MSH3: variants seen among roughly 807,000 people sequenced by gnomAD.
The protein encoded by MSH3 is DNA mismatch repair protein Msh3.
In MSH3, 106 loss-of-function variants were observed where a neutral mutation model predicts 123.3. That is an observed-to-expected ratio of 0.86 (90% CI 0.73 to 1.01). The LOEUF (loss-of-function observed/expected upper bound fraction) is 1.01. Ranked by LOEUF, MSH3 falls within the 50% of genes least tolerant of loss-of-function variation. The probability of loss-of-function intolerance (pLI) is 0.00; values close to 1 mark genes in which losing one functional copy is unlikely to be tolerated. For missense variants in MSH3, 1,459 were observed against 1,347.6 expected (o/e 1.08, Z -1.29); for synonymous variants, 515 against 481.4 (o/e 1.07, Z -0.91).
intron 12 of MSH3, among the ~76,000 whole-genome samples, chr5:80,744,829 A>G (rs1204770763): frequency 6.6e-6 from 1 of 152,136 alleles, no homozygotes; most frequent in African/African-American, 2.4e-5. Context: ...TGGCAGACAT[A>G]GGGCGTTGTC....
chr5:80,672,532 A>G (rs1329726624), intron 5 of MSH3, among the ~76,000 whole-genome samples, 172 bp downstream of exon 5: 1 of 152,192 alleles, frequency 6.6e-6, no homozygotes, highest in East Asian at 1.9e-4. Flanking sequence ...TTTTTAACAT[A>G]TTGTTAGATA....
chr5:80,811,055 A>G (rs184642945), intron 19 of MSH3, among the ~76,000 whole-genome samples: 1 of 152,140 alleles, frequency 6.6e-6, no homozygotes, highest in South Asian at 2.1e-4. Flanking sequence ...GAAATTGGAA[A>G]CACTTCTGTC....
Position 80,654,896 on chromosome 5 carries a change from G to GCCGCAGCGGCCGCAGCGCCCCCAGCGC in MSH3, c.172_198dup (p.Ala58_Pro66dup), listed in dbSNP as rs1554066063. On this transcript the variant is annotated inframe_insertion, in exon 1 of 24. Coordinates refer to ENST00000265081, the MANE Select transcript of MSH3 (RefSeq NM_002439.5). ...CCCTGGCGCTGCAGCGGCTGCAGCG[G>GCCGCAGCGGCCGCAGCGCCCCCAGCGC]CCGCAGCGGCCGCAGCGCCCCCAGC... is the stretch of plus-strand genomic sequence containing the variant. 1 of 815,078 alleles carries GCCGCAGCGGCCGCAGCGCCCCCAGCGC rather than the reference G, an allele frequency of 1.2e-6. No homozygotes were observed. The highest frequency in any genetic ancestry group is 1.7e-6 in the Non-Finnish European group (1 of 599,326). The allele number at this position is 815,078 out of a possible 1,614,324, so 50.5% of individuals were successfully genotyped here. A position where few individuals can be genotyped will look rare whatever the true frequency, so the allele number is the denominator to read the frequency against.
intron 8 of MSH3, among the ~76,000 whole-genome samples, chr5:80,708,769 G>C (rs373072670): frequency 6.9e-6 from 1 of 145,622 alleles, no homozygotes; most frequent in African/African-American, 2.5e-5. Context: ...AATGTTTTTA[G>C]GTCTCCCTTT....
chr5:80,729,563 C>T (rs980591631), intron 10 of MSH3, among the ~76,000 whole-genome samples: 1 of 151,374 alleles, frequency 6.6e-6, no homozygotes, highest in Non-Finnish European at 1.5e-5. Context: ...TTTATACTAA[C>T]TGGACCCAGA....
At chr5:80,730,908 C>CT (rs1277889418) in intron 10 of MSH3, among the ~76,000 whole-genome samples, 50 of 102,598 alleles carry the variant, frequency 4.9e-4, no homozygotes, top group Admixed American at 7.0e-4. Context: ...TTTTTTTTTT[C>CT]TTTTTTTTTT....
chr5:80,746,231 T>C (rs1038750074), intron 12 of MSH3: 2 of 252,866 alleles, frequency 7.9e-6, no homozygotes, highest in Non-Finnish European at 1.6e-5. Context: ...TACGATTGAT[T>C]TGCTACTGCA....
chr5:80,808,577 C>G (rs1325129958), intron 19 of MSH3, among the ~76,000 whole-genome samples: 2 of 151,870 alleles, frequency 1.3e-5, no homozygotes, highest in Non-Finnish European at 2.9e-5. Context: ...AATATTAGAG[C>G]TGTGAAGTCT....
At chr5:80,682,298 G>T (rs180941370) in intron 8 of MSH3, among the ~76,000 whole-genome samples, 1 of 152,208 alleles carries the variant, frequency 6.6e-6, no homozygotes, top group Admixed American at 6.5e-5. Flanking sequence ...TATATTGGGG[G>T]TATTAAGAGT....
intron 20 of MSH3, among the ~76,000 whole-genome samples, chr5:80,820,029 C>A (rs944849109): frequency 2.0e-5 from 3 of 152,120 alleles, no homozygotes; most frequent in African/African-American, 7.2e-5. Context: ...TATGTGTATA[C>A]GTGTTTATTT....
intron 19 of MSH3, among the ~76,000 whole-genome samples, chr5:80,798,865 G>A (rs1433295804): frequency 1.3e-5 from 2 of 152,148 alleles, no homozygotes; most frequent in African/African-American, 4.8e-5. Flanking sequence ...TGTTCCTGCA[G>A]GACCCAACAA....
At chr5:80,746,141 G>C (rs1743714816) in intron 12 of MSH3, among the ~76,000 whole-genome samples, 1 of 152,088 alleles carries the variant, frequency 6.6e-6, no homozygotes, top group African/African-American at 2.4e-5. Context: ...AAAGAAACTT[G>C]ATCATACTAT....
intron 8 of MSH3, among the ~76,000 whole-genome samples, chr5:80,702,871 G>A (rs571548900): frequency 2.6e-5 from 4 of 152,042 alleles, no homozygotes; most frequent in Non-Finnish European, 5.9e-5. Flanking sequence ...AATTAGCTGC[G>A]CATGATGGCA....
intron 3 of MSH3, 125 bp from the exon 4 acceptor site, chr5:80,669,972 C>T: frequency 2.3e-6 from 2 of 852,476 alleles, no homozygotes; most frequent in South Asian, 1.5e-5. Context: ...CTACAATGTG[C>T]TTCTATAAAC....
intron 8 of MSH3, among the ~76,000 whole-genome samples, chr5:80,716,944 G>A (rs749336384): frequency 5.9e-5 from 9 of 152,092 alleles, no homozygotes; most frequent in Non-Finnish European, 1.3e-4. Context: ...CCACATTTGA[G>A]TGAGAACATG....
intron 8 of MSH3, among the ~76,000 whole-genome samples, chr5:80,693,624 TACACACACACACAC>T (rs370934498): frequency 7.5e-5 from 11 of 145,982 alleles, no homozygotes; most frequent in Admixed American, 6.9e-5. Flanking sequence ...CACACACATA[TACACACACACACAC>T]ACACACACAC....
chr5:80,703,316 A>G (rs1246006801), intron 8 of MSH3, among the ~76,000 whole-genome samples: 2 of 152,220 alleles, frequency 1.3e-5, no homozygotes, highest in Admixed American at 6.5e-5. Context: ...AGGTAAGTAT[A>G]CTTTACATTC....
At chr5:80,657,901 C>G (rs964632931) in intron 2 of MSH3, among the ~76,000 whole-genome samples, 1 of 152,110 alleles carries the variant, frequency 6.6e-6, no homozygotes, top group Admixed American at 6.5e-5. Flanking sequence ...AATTCTGGGG[C>G]AGCCTACCTT....
At chr5:80,772,993 G>T (rs1744238247) in intron 15 of MSH3, among the ~76,000 whole-genome samples, 1 of 152,140 alleles carries the variant, frequency 6.6e-6, no homozygotes. Context: ...GTGTATGGTA[G>T]CCCGCTGTAG....
Sources: allele counts gnomAD v4.1 joint callset (sites outside exome capture counted in the v4.1 genomes callset), GRCh38; gene constraint gnomAD v4.1.1; transcripts MANE v1.5; gene names NCBI Gene and HGNC (gene_info 2026-07-23, HGNC 2026-07-21).